RTN1: variants seen among roughly 807,000 people sequenced by gnomAD.
The protein encoded by RTN1 is reticulon-1.
Under a neutral mutation model 65.5 loss-of-function variants are expected in RTN1, and 25 were observed. The ratio of observed to expected loss-of-function variants is 0.38; its 90% CI spans 0.28 to 0.53. The LOEUF is 0.53. Among genes scored for constraint, RTN1 ranks in the 20% least tolerant of loss-of-function variants. RTN1 has a pLI of 0.79. For missense variants in RTN1, 983 were observed against 1,025.4 expected (o/e 0.96, Z 0.57); for synonymous variants, 471 against 447.6 (o/e 1.05, Z -0.66).
chr14:59,726,823 G>A, intron 3 of RTN1, 96 bp downstream of exon 3: 1 of 1,017,046 alleles, frequency 9.8e-7, no homozygotes, highest in East Asian at 2.6e-5. Context: ...TCAGCATGGG[G>A]ATGACTCCAG....
intron 3 of RTN1, among the ~76,000 whole-genome samples, chr14:59,687,930 G>A (rs999171274): frequency 6.6e-6 from 1 of 152,024 alleles, no homozygotes; most frequent in East Asian, 1.9e-4. Context: ...CATACAGAGA[G>A]CCTGTTTGCC....
At chr14:59,757,618 G>A (rs1885665982) in intron 1 of RTN1, among the ~76,000 whole-genome samples, 1 of 152,104 alleles carries the variant, frequency 6.6e-6, no homozygotes, top group Non-Finnish European at 1.5e-5. Flanking sequence ...TGGGATTAGT[G>A]CCCTTGTAAA....
intron 1 of RTN1, among the ~76,000 whole-genome samples, chr14:59,818,098 G>C (rs1886855306): frequency 6.6e-6 from 1 of 152,122 alleles, no homozygotes; most frequent in African/African-American, 2.4e-5. Flanking sequence ...TCAATGTTTA[G>C]CTCCCATTTA....
chr14:59,781,915 T>C (rs1398210218), intron 1 of RTN1, among the ~76,000 whole-genome samples: 3 of 152,162 alleles, frequency 2.0e-5, no homozygotes, highest in African/African-American at 7.2e-5. Context: ...TCCTGTGACC[T>C]GTATGTTTGT....
At chr14:59,848,685 A>C (rs1887451803) in intron 1 of RTN1, among the ~76,000 whole-genome samples, 1 of 152,184 alleles carries the variant, frequency 6.6e-6, no homozygotes, top group Non-Finnish European at 1.5e-5. Flanking sequence ...TATGATCCCA[A>C]TATGGTATTA....
At position 59,864,661 on chromosome 14, in the gene RTN1, T is replaced by C. The variant is rs76928042; in HGVS notation, c.241+5729A>G. On this transcript the variant is annotated intron_variant, in intron 1 of 8. Coordinates refer to ENST00000267484, the MANE Select transcript of RTN1 (RefSeq NM_021136.3). Reference sequence around the variant, plus strand: ...CATATAGCAAGAGTTCAATAAATAGTAGTATAATCATAAGTAATGCTCTCT... The same window carrying C: ...CATATAGCAAGAGTTCAATAAATAGCAGTATAATCATAAGTAATGCTCTCT... Among the ~76,000 whole-genome samples the C allele has an allele frequency of 3.5e-3, 535 of 152,260 alleles. 18 individuals carry two copies. The East Asian group carries it at 0.06, about 17-fold the overall frequency.
intron 3 of RTN1, among the ~76,000 whole-genome samples, chr14:59,643,815 CATTAT>C (rs1261019429): frequency 1.3e-5 from 2 of 151,844 alleles, no homozygotes; most frequent in African/African-American, 4.8e-5. Context: ...AAAGTTGTCA[CATTAT>C]ATTAACCAAA....
At position 59,603,706 on chromosome 14, in the gene RTN1, G is replaced by T. The variant is rs1881651895; in HGVS notation, c.2182+146C>A. The T allele has an allele frequency of 5.9e-6, 3 of 508,254 alleles. No individual in the cohort carries two copies. In the Admixed American group the frequency reaches 9.3e-5, roughly 16 times the overall value. 31.5% of individuals were successfully genotyped at this position (508,254 alleles called of 1,614,324 possible). A position where few individuals can be genotyped will look rare whatever the true frequency, so the allele number is the denominator to read the frequency against. On this transcript the variant is annotated intron_variant, in intron 6 of 8. Coordinates refer to ENST00000267484, the MANE Select transcript of RTN1 (RefSeq NM_021136.3). ...ATATTATACTCTTTAATTGAACTATGATGGTAAGAGAAGTGCTCTGCACTC... is the reference window on the plus strand; with the variant it reads ...ATATTATACTCTTTAATTGAACTATTATGGTAAGAGAAGTGCTCTGCACTC...
chr14:59,669,647 T>A (rs1398855188), intron 3 of RTN1, among the ~76,000 whole-genome samples: 3 of 152,142 alleles, frequency 2.0e-5, no homozygotes, highest in Non-Finnish European at 2.9e-5. Flanking sequence ...TGCAGCCATC[T>A]TATGATCATG....
intron 1 of RTN1, among the ~76,000 whole-genome samples, chr14:59,859,638 G>A (rs539666677): frequency 6.6e-6 from 1 of 152,336 alleles, no homozygotes; most frequent in Admixed American, 6.5e-5. Flanking sequence ...GGAGGACTCA[G>A]AAGAAGACAG....
chr14:59,830,330 G>T lies in RTN1; in HGVS notation c.241+40060C>A, dbSNP rs114219919. On this transcript the variant is annotated intron_variant, in intron 1 of 8. Transcript: ENST00000267484. ...GTGCTTTCTGTAAGATTATCGAACAGCAAGCCACAGTTAAACCAGTGCTCT... is the reference window on the plus strand; with the variant it reads ...GTGCTTTCTGTAAGATTATCGAACATCAAGCCACAGTTAAACCAGTGCTCT... 6.5e-3 allele frequency among the ~76,000 whole-genome samples: 993 copies of T among 152,332 alleles called. 8 individuals carry two copies. The highest frequency in any genetic ancestry group is 0.011 in the Non-Finnish European group (765 of 68,028).
chr14:59,627,229 T>A (rs192196313), intron 3 of RTN1, among the ~76,000 whole-genome samples: 2 of 152,208 alleles, frequency 1.3e-5, no homozygotes, highest in African/African-American at 4.8e-5. Flanking sequence ...CACCATTACA[T>A]AGATAATTTA....
chr14:59,698,523 T>C (rs1339130945), intron 3 of RTN1, among the ~76,000 whole-genome samples: 2 of 152,256 alleles, frequency 1.3e-5, no homozygotes, highest in East Asian at 3.9e-4. Flanking sequence ...GGGCAAGTCT[T>C]TCCTGTGCTC....
At chr14:59,634,430 A>G (rs958871714) in intron 3 of RTN1, among the ~76,000 whole-genome samples, 7 of 152,362 alleles carry the variant, frequency 4.6e-5, no homozygotes, top group African/African-American at 1.7e-4. Context: ...AGTTTGGCAC[A>G]TAACCCACTG....
chr14:59,677,180 T>G (rs1490346053), intron 3 of RTN1, among the ~76,000 whole-genome samples: 2 of 152,258 alleles, frequency 1.3e-5, no homozygotes, highest in African/African-American at 2.4e-5. Context: ...TGAATCCTTC[T>G]ATACCCATAG....
intron 1 of RTN1, among the ~76,000 whole-genome samples, chr14:59,818,678 C>T (rs1042641732): frequency 1.3e-5 from 2 of 152,140 alleles, no homozygotes; most frequent in Non-Finnish European, 2.9e-5. Context: ...TGGGTATATA[C>T]CCAGTAATGG....
At chr14:59,723,328 C>T (rs908728510) in intron 3 of RTN1, among the ~76,000 whole-genome samples, 12 of 151,662 alleles carry the variant, frequency 7.9e-5, no homozygotes, top group East Asian at 7.8e-4. Flanking sequence ...CTACCCTGGC[C>T]GAGTGCGGTG....
intron 3 of RTN1, among the ~76,000 whole-genome samples, chr14:59,716,935 T>G (rs1884546474): frequency 1.4e-5 from 2 of 145,898 alleles, no homozygotes; most frequent in Admixed American, 1.4e-4. Context: ...GCCACTACAC[T>G]CCAGCCTGGG....
chr14:59,690,655 C>A (rs191118322), intron 3 of RTN1, among the ~76,000 whole-genome samples: 1 of 152,178 alleles, frequency 6.6e-6, no homozygotes, highest in East Asian at 1.9e-4. Flanking sequence ...CTCAGCTGGA[C>A]AAGAAACATA....
Sources: allele counts gnomAD v4.1 joint callset (sites outside exome capture counted in the v4.1 genomes callset), GRCh38; gene constraint gnomAD v4.1.1; transcripts MANE v1.5; gene names NCBI Gene and HGNC (gene_info 2026-07-23, HGNC 2026-07-21).